MGAT4C: variants seen among roughly 807,000 people sequenced by gnomAD.
MGAT4C encodes MGAT4 family member C, also known as alpha-1,3-mannosyl-glycoprotein 4-beta-N-acetylglucosaminyltransferase C.
Under a neutral mutation model 40.1 loss-of-function variants are expected in MGAT4C, and 19 were observed. That is an observed-to-expected ratio of 0.47 (90% CI 0.33 to 0.70). The LOEUF (loss-of-function observed/expected upper bound fraction) is 0.70, where lower values mean the gene tolerates loss of function less well. Ranked by LOEUF, MGAT4C falls within the 30% of genes least tolerant of loss-of-function variation. The probability of loss-of-function intolerance (pLI) is 0.02; values close to 1 mark genes in which losing one functional copy is unlikely to be tolerated. For missense variants in MGAT4C, 491 were observed against 563.2 expected, an observed-to-expected ratio of 0.87 and a Z score of 1.30; for synonymous variants, 181 against 187.1, an observed-to-expected ratio of 0.97 and a Z score of 0.27.
chr12:86,538,304 T>A (rs953806060), intron 2 of MGAT4C, among the ~76,000 whole-genome samples: 3 of 152,108 alleles, frequency 2.0e-5, no homozygotes, highest in Non-Finnish European at 4.4e-5. Context: ...ACATAAGCAT[T>A]TTGAGAAACA....
intron 2 of MGAT4C, among the ~76,000 whole-genome samples, chr12:86,463,393 G>A (rs1411022541): frequency 6.6e-6 from 1 of 152,000 alleles, no homozygotes; most frequent in African/African-American, 2.4e-5. Context: ...TTCTTGCAAG[G>A]CCCAAATTCT....
At position 86,499,252 on chromosome 12, in the gene MGAT4C, C is replaced by G. The variant is rs111765277; in HGVS notation, c.-228-63987G>C. 3.3e-3 allele frequency among the ~76,000 whole-genome samples: 498 copies of G among 151,578 alleles called. 2 individuals carry two copies. The highest frequency in any genetic ancestry group is 0.012 in the African/African-American group (482 of 41,406). On this transcript the variant is annotated intron_variant, in intron 2 of 7. Transcript: ENST00000548651. The stretch of plus-strand genomic sequence containing the variant: ...GTACAGAAGTTGGGGATGTTAAAGG[C>G]TCAACTATATTTATGTGTGTGTGTG...
chr12:86,770,508 CAT>C (rs1951613264), intron 1 of MGAT4C, among the ~76,000 whole-genome samples: 2 of 152,000 alleles, frequency 1.3e-5, no homozygotes, highest in South Asian at 4.1e-4. Flanking sequence ...CCTCTCAAAA[CAT>C]ATTAAATATT....
At chr12:86,044,373 G>A (rs1592766232) in intron 2 of MGAT4C, among the ~76,000 whole-genome samples, 1 of 152,172 alleles carries the variant, frequency 6.6e-6, no homozygotes, top group Non-Finnish European at 1.5e-5. Context: ...AGCAGTGGCA[G>A]CATGGTGGGT....
intron 1 of MGAT4C, among the ~76,000 whole-genome samples, chr12:86,117,019 G>A (rs1468790654): frequency 6.6e-6 from 1 of 152,004 alleles, no homozygotes; most frequent in Non-Finnish European, 1.5e-5. Context: ...TATTTATTGA[G>A]GGTTCTGAGA....
intron 2 of MGAT4C, among the ~76,000 whole-genome samples, chr12:86,582,928 A>T (rs982109373): frequency 6.6e-6 from 1 of 151,340 alleles, no homozygotes; most frequent in Non-Finnish European, 1.5e-5. Context: ...TCTTACAGTA[A>T]AGACTACATA....
intron 1 of MGAT4C, among the ~76,000 whole-genome samples, chr12:86,816,349 T>C (rs941739459): frequency 6.6e-6 from 1 of 151,902 alleles, no homozygotes; most frequent in Non-Finnish European, 1.5e-5. Context: ...ACAAGTTTGT[T>C]TAAATTAGTT....
chr12:86,394,425 C>G (rs1257510897), intron 3 of MGAT4C, among the ~76,000 whole-genome samples: 1 of 149,138 alleles, frequency 6.7e-6, no homozygotes, highest in Non-Finnish European at 1.5e-5. Context: ...TGAATATTAT[C>G]ATTGCTCTGA....
At chr12:86,502,617 GTATATATATATATGATTTCTGCTCA>G (rs1958369519) in intron 2 of MGAT4C, among the ~76,000 whole-genome samples, 2 of 146,636 alleles carry the variant, frequency 1.4e-5, no homozygotes, top group Admixed American at 7.0e-5. Flanking sequence ...ATATATATAT[GTATATATATATATGATTTCTGCTCA>G]TATATATACA....
chr12:86,836,706 C>A (rs920895162), intron 1 of MGAT4C, among the ~76,000 whole-genome samples: 2 of 151,906 alleles, frequency 1.3e-5, no homozygotes, highest in Non-Finnish European at 2.9e-5. Flanking sequence ...GGAGCTGCCC[C>A]TCCTGATTTT....
At chr12:86,451,790 C>T (rs1403888077) in intron 2 of MGAT4C, among the ~76,000 whole-genome samples, 2 of 152,098 alleles carry the variant, frequency 1.3e-5, no homozygotes, top group African/African-American at 2.4e-5. Flanking sequence ...TTCTTCTACA[C>T]CCACTTACTG....
chr12:86,175,072 G>T (rs1330107291), intron 1 of MGAT4C, among the ~76,000 whole-genome samples: 1 of 152,004 alleles, frequency 6.6e-6, no homozygotes, highest in African/African-American at 2.4e-5. Context: ...AAATAGAATT[G>T]CCATGTATAG....
chr12:85,956,515 G>C lies in MGAT4C; in HGVS notation c.*22774C>G, dbSNP rs888614389. On this transcript the variant is annotated 3_prime_UTR_variant, in exon 5 of 5. Coordinates refer to ENST00000611864, the MANE Select transcript of MGAT4C (RefSeq NM_001351288.2). Reference sequence around the variant, plus strand: ...GAAAAACTTACTAAAATATGGTTTTGGGACACCTGTTGGGAACATTTACAG... The same window carrying C: ...GAAAAACTTACTAAAATATGGTTTTCGGACACCTGTTGGGAACATTTACAG... The C allele has an allele frequency of 6.6e-6, 1 of 152,162 alleles. No individual in the cohort carries two copies. Among genetic ancestry groups the C allele is most frequent in the Non-Finnish European group, 1.5e-5 (1 of 68,020 alleles). 9.4% of individuals were successfully genotyped at this position (152,162 alleles called of 1,614,324 possible).
intron 1 of MGAT4C, among the ~76,000 whole-genome samples, chr12:86,066,656 A>T (rs1448240222): frequency 6.6e-6 from 1 of 152,190 alleles, no homozygotes; most frequent in Non-Finnish European, 1.5e-5. Context: ...CAGGGCAAAG[A>T]CCTCATGACT....
At chr12:86,817,764 A>G (rs1299812453) in intron 1 of MGAT4C, among the ~76,000 whole-genome samples, 1 of 151,488 alleles carries the variant, frequency 6.6e-6, no homozygotes, top group African/African-American at 2.4e-5. Flanking sequence ...TGTGGCAGAA[A>G]TAAAGCCAAA....
chr12:86,404,067 T>C (rs951753207), intron 3 of MGAT4C, among the ~76,000 whole-genome samples: 24 of 152,210 alleles, frequency 1.6e-4, no homozygotes, highest in Admixed American at 1.2e-3. Context: ...CCAGTAGTCA[T>C]AGCTACTCGA....
intron 1 of MGAT4C, among the ~76,000 whole-genome samples, chr12:86,144,833 G>T (rs1316893649): frequency 6.6e-6 from 1 of 152,002 alleles, no homozygotes; most frequent in African/African-American, 2.4e-5. Flanking sequence ...ACCAGTCCTT[G>T]GAGATTTTAA....
chr12:86,613,031 ATT>A (rs1399322381), intron 2 of MGAT4C, among the ~76,000 whole-genome samples: 4 of 152,084 alleles, frequency 2.6e-5, no homozygotes, highest in African/African-American at 9.7e-5. Flanking sequence ...TCTAAAATTC[ATT>A]TTTCTCTAAA....
chr12:86,491,278 A>T (rs570428127), intron 2 of MGAT4C, among the ~76,000 whole-genome samples: 2 of 152,132 alleles, frequency 1.3e-5, no homozygotes, highest in African/African-American at 2.4e-5. Flanking sequence ...AGAGGGAATC[A>T]TCCCTAACTC....
Sources: gnomAD v4.1 joint callset for allele counts (sites outside exome capture counted in the v4.1 genomes callset) on GRCh38, gnomAD v4.1.1 for gene constraint, MANE v1.5 for transcripts, NCBI Gene and HGNC (gene_info 2026-07-23, HGNC 2026-07-21) for gene names.